Variants in SUCLA2 observed in about 807,000 individuals in gnomAD.
The protein encoded by SUCLA2 is succinate--CoA ligase [ADP-forming] subunit beta, mitochondrial.
SUCLA2 carries 30 observed loss-of-function variants against 54.8 expected under a neutral mutation model. That is an observed-to-expected ratio of 0.55 (90% CI 0.41 to 0.74). The LOEUF (loss-of-function observed/expected upper bound fraction) is 0.74, where lower values mean the gene tolerates loss of function less well. Ranked by LOEUF, SUCLA2 falls within the 30% of genes least tolerant of loss-of-function variation. The probability of loss-of-function intolerance (pLI) is 0.00; values close to 1 mark genes in which losing one functional copy is unlikely to be tolerated. For missense variants in SUCLA2, 476 were observed against 562.9 expected, an observed-to-expected ratio of 0.85 and a Z score of 1.56; for synonymous variants, 172 against 188.9, an observed-to-expected ratio of 0.91 and a Z score of 0.74.
intron 10 of SUCLA2, among the ~76,000 whole-genome samples, chr13:47,943,862 A>G (rs1004982296): frequency 4.0e-5 from 6 of 151,340 alleles, no homozygotes; most frequent in Non-Finnish European, 8.8e-5. Flanking sequence ...TCTAAGTAAA[A>G]ATTTGTTTTG....
At chr13:47,968,259 T>C (rs1949935151) in intron 6 of SUCLA2, among the ~76,000 whole-genome samples, 1 of 152,218 alleles carries the variant, frequency 6.6e-6, no homozygotes, top group South Asian at 2.1e-4. Context: ...CTAGTGCAAC[T>C]GAGTAAATGA....
chr13:47,999,547 A>C (rs1052285407), intron 1 of SUCLA2, among the ~76,000 whole-genome samples: 1 of 152,042 alleles, frequency 6.6e-6, no homozygotes, highest in South Asian at 2.1e-4. Context: ...CTTTACTAAA[A>C]ATACAAAAAA....
chr13:47,965,498 AAAAAAAAAACAAAC>A (rs563920482), intron 6 of SUCLA2: 36 of 379,148 alleles, frequency 9.5e-5, no homozygotes, highest in Admixed American at 1.8e-4. Context: ...CTTCTTTAAA[AAAAAAAAAACAAAC>A]AAACAAAAAA....
At chr13:47,943,760 G>GTATATA (rs1397232676) in intron 10 of SUCLA2, among the ~76,000 whole-genome samples, 102 of 129,334 alleles carry the variant, frequency 7.9e-4, no homozygotes, top group African/African-American at 3.0e-3. Context: ...GTGTGTGTGT[G>GTATATA]TGTGTGTATA....
chr13:47,956,038 A>G (rs1369848659), intron 6 of SUCLA2, among the ~76,000 whole-genome samples: 3 of 152,242 alleles, frequency 2.0e-5, no homozygotes, highest in African/African-American at 7.2e-5. Context: ...CAAACTTACT[A>G]GATCCGTAAT....
chr13:47,964,594 A>T (rs1029567278), intron 6 of SUCLA2, among the ~76,000 whole-genome samples: 15 of 152,162 alleles, frequency 9.9e-5, no homozygotes, highest in Admixed American at 9.8e-4. Flanking sequence ...GTGGTGGCTC[A>T]AGCCTGTAAT....
chr13:47,943,840 A>G (rs1035480487), intron 10 of SUCLA2, among the ~76,000 whole-genome samples: 1 of 150,802 alleles, frequency 6.6e-6, no homozygotes, highest in African/African-American at 2.4e-5. Context: ...ATACTCCACA[A>G]CTCAAAGCAC....
chr13:47,945,043 G>A (rs924461770), intron 10 of SUCLA2, among the ~76,000 whole-genome samples: 2 of 151,650 alleles, frequency 1.3e-5, no homozygotes, highest in Admixed American at 6.6e-5. Flanking sequence ...CAAAGTCAGG[G>A]GTTCAAGACC....
At chr13:47,946,580 GTT>G (rs750584966) in intron 10 of SUCLA2, among the ~76,000 whole-genome samples, 251 of 137,908 alleles carry the variant, frequency 1.8e-3, no homozygotes, top group Non-Finnish European at 2.6e-3. Context: ...AAAAGGTTGT[GTT>G]TTTTTTTTTT....
At chr13:47,994,260 T>C (rs1004793879) in intron 2 of SUCLA2, among the ~76,000 whole-genome samples, 3 of 151,704 alleles carry the variant, frequency 2.0e-5, no homozygotes, top group African/African-American at 7.3e-5. Context: ...TCTTTTGTTA[T>C]CAATGACTCA....
At chr13:47,969,893 G>A (rs1949948808) in intron 5 of SUCLA2, among the ~76,000 whole-genome samples, 1 of 152,112 alleles carries the variant, frequency 6.6e-6, no homozygotes, top group Non-Finnish European at 1.5e-5. Flanking sequence ...CTTGAAGCCA[G>A]GAGTTTGAGA....
intron 8 of SUCLA2, among the ~76,000 whole-genome samples, chr13:47,952,132 C>T (rs1949781409): frequency 6.6e-6 from 1 of 152,128 alleles, no homozygotes; most frequent in African/African-American, 2.4e-5. Context: ...CCACTCACCT[C>T]TTTCAGTTCT....
At chr13:47,997,849 A>T (rs1313237693) in intron 1 of SUCLA2, among the ~76,000 whole-genome samples, 1 of 152,218 alleles carries the variant, frequency 6.6e-6, no homozygotes, top group Non-Finnish European at 1.5e-5. Flanking sequence ...TTTGCCTCAA[A>T]ATTAACTGGG....
intron 1 of SUCLA2, among the ~76,000 whole-genome samples, chr13:47,998,830 G>A (rs1950208535): frequency 6.6e-6 from 1 of 152,132 alleles, no homozygotes. Context: ...TTACACAGGT[G>A]AATACATACA....
chr13:47,969,295 TTA>T (rs1325920058), intron 5 of SUCLA2, among the ~76,000 whole-genome samples: 6 of 150,174 alleles, frequency 4.0e-5, no homozygotes, highest in Non-Finnish European at 9.0e-5. Context: ...TTTGTATAAT[TTA>T]TAAAGAGTGT....
chr13:47,994,563 G>A lies in SUCLA2; in HGVS notation c.271+2280C>T, dbSNP rs368036203. Among the ~76,000 whole-genome samples, 122 of 109,124 alleles carry A rather than the reference G, an allele frequency of 1.1e-3. 2 individuals carry two copies. In the East Asian group the frequency reaches 0.031, roughly 28 times the overall value. 71.6% of individuals were successfully genotyped at this position (109,124 alleles called of 152,430 possible). ...AGCCTGGGCGACAGAGTGAGACTCC[G>A]TCTCAAAAAAAAAAAAAAAAAAAAA... On this transcript the variant is annotated intron_variant, in intron 2 of 10. Coordinates refer to ENST00000646932, the MANE Select transcript of SUCLA2 (RefSeq NM_003850.3).
intron 4 of SUCLA2, among the ~76,000 whole-genome samples, chr13:47,982,511 A>G (rs1304038545): frequency 6.9e-6 from 1 of 145,482 alleles, no homozygotes; most frequent in Non-Finnish European, 1.5e-5. Flanking sequence ...AAAAAAAAAG[A>G]TTTGGATATC....
chr13:47,971,522 G>T (rs2137719265), intron 5 of SUCLA2: 1 of 222,374 alleles, frequency 4.5e-6, no homozygotes, highest in East Asian at 8.5e-5. Flanking sequence ...ACTCTCACAG[G>T]CCTTAATATT....
Position 47,973,380 on chromosome 13 carries a change from T to C in SUCLA2, c.547A>G (p.Ile183Val). 6.2e-7 allele frequency: 1 copy of C among 1,613,540 alleles called. No individual in the cohort carries two copies. Among genetic ancestry groups the C allele is most frequent in the South Asian group, 1.1e-5 (1 of 91,078 alleles). ...MERSFQGPVL[I>V]GSSHGGVNIE... is the part of the protein sequence containing the mutation. Reference sequence around the variant, plus strand: ...TTGACACCACCATGTGAACTTCCTATTAATACAGGACCCTGGCAAGGGAAG... The same window carrying C: ...TTGACACCACCATGTGAACTTCCTACTAATACAGGACCCTGGCAAGGGAAG... Residue 183 changes from isoleucine to valine, a missense_variant, in exon 5 of 11, where the codon ATA becomes GTA. Transcript: ENST00000646932.
Sources: allele counts gnomAD v4.1 joint callset (sites outside exome capture counted in the v4.1 genomes callset), GRCh38; gene constraint gnomAD v4.1.1; transcripts MANE v1.5; gene names NCBI Gene and HGNC (gene_info 2026-07-23, HGNC 2026-07-21).